CREB3L2: variants seen among roughly 807,000 people sequenced by gnomAD.
CREB3L2 encodes the protein cyclic AMP-responsive element-binding protein 3-like protein 2.
CREB3L2 carries 23 observed loss-of-function variants against 57.2 expected under a neutral mutation model. The ratio of observed to expected loss-of-function variants is 0.40; its 90% CI spans 0.29 to 0.57. The LOEUF is 0.57. CREB3L2 is among the 20% of genes least tolerant of loss of function. CREB3L2 has a pLI of 0.42. For synonymous variants in CREB3L2, 268 were observed against 265.1 expected (o/e 1.01, Z -0.11); for missense variants, 628 against 634.7 (o/e 0.99, Z 0.11).
At chr7:137,986,938 A>G (rs10269424) in intron 1 of CREB3L2, among the ~76,000 whole-genome samples, 10,601 of 152,272 alleles carry the variant, frequency 0.07, 1,220 homozygotes, top group African/African-American at 0.24. Context: ...CTCGAGCCCA[A>G]GGGCGACCCC....
intron 1 of CREB3L2, among the ~76,000 whole-genome samples, chr7:137,946,016 C>T (rs1201452185): frequency 6.6e-6 from 1 of 152,124 alleles, no homozygotes; most frequent in East Asian, 1.9e-4. Context: ...TGCACCCTCC[C>T]CCAAATTATA....
chr7:137,954,748 A>G (rs1395421723), intron 1 of CREB3L2, among the ~76,000 whole-genome samples: 1 of 152,212 alleles, frequency 6.6e-6, no homozygotes, highest in Non-Finnish European at 1.5e-5. Context: ...AGAGGAAGGC[A>G]TGGAGGCTAG....
At position 137,957,906 on chromosome 7, in the gene CREB3L2, A is replaced by T. The variant is rs1164213744; in HGVS notation, c.103-29540T>A. 5.4e-6 allele frequency: 3 copies of T among 551,934 alleles called. No individual in the cohort carries two copies. The African/African-American group carries it at 5.9e-5, about 11-fold the overall frequency. 34.2% of individuals were successfully genotyped at this position (551,934 alleles called of 1,614,324 possible). A position where few individuals can be genotyped will look rare whatever the true frequency, so the allele number is the denominator to read the frequency against. ...CAGGGTGGAAGACTGTTTGGTCCCA[A>T]GGGAATAATGGCTACAATCTAGGAC... is the stretch of plus-strand genomic sequence containing the variant. On this transcript the variant is annotated intron_variant, in intron 1 of 11. Coordinates refer to ENST00000330387, the MANE Select transcript of CREB3L2 (RefSeq NM_194071.4).
chr7:137,958,729 T>C (rs1043981447), intron 1 of CREB3L2, among the ~76,000 whole-genome samples: 11 of 152,286 alleles, frequency 7.2e-5, no homozygotes, highest in African/African-American at 2.6e-4. Flanking sequence ...AGACAACAAA[T>C]AAGCTGCTCT....
intron 1 of CREB3L2, among the ~76,000 whole-genome samples, chr7:137,987,606 G>A (rs1801813684): frequency 6.6e-6 from 1 of 152,216 alleles, no homozygotes; most frequent in African/African-American, 2.4e-5. Context: ...CAGGTTTTGT[G>A]TGTTGGGGAG....
intron 1 of CREB3L2, among the ~76,000 whole-genome samples, chr7:137,995,589 C>A (rs1563277021): frequency 6.6e-6 from 1 of 151,952 alleles, no homozygotes; most frequent in African/African-American, 2.4e-5. Flanking sequence ...TGCCTTGGCC[C>A]CCCAAAGTGC....
chr7:137,896,255 C>A (rs1322496348), intron 8 of CREB3L2, among the ~76,000 whole-genome samples: 1 of 152,228 alleles, frequency 6.6e-6, no homozygotes, highest in Non-Finnish European at 1.5e-5. Flanking sequence ...AGCAGCCCTG[C>A]TTTTATCTAT....
chr7:137,908,390 G>A lies in CREB3L2; in HGVS notation c.630C>T (p.His210=), dbSNP rs529919246. 1.6e-5 allele frequency: 20 copies of A among 1,262,478 alleles called. No homozygotes were observed. The highest frequency in any genetic ancestry group is 9.4e-5 in the East Asian group (3 of 31,814). 78.2% of individuals were successfully genotyped at this position (1,262,478 alleles called of 1,614,324 possible). Residue 210 remains histidine (H), a synonymous_variant, in exon 5 of 12, where the codon CAC becomes CAT. Transcript: ENST00000330387. ...TCAGGCTGCCCTCTGAGTCACTGCCGTGACTGCTCGGAGGGGTGGGCGGCA... is the reference window on the plus strand; with the variant it reads ...TCAGGCTGCCCTCTGAGTCACTGCCATGACTGCTCGGAGGGGTGGGCGGCA... ...LHLPPTPPSS[H]GSDSEGSLSP... is the part of the protein sequence containing the mutation.
At chr7:137,990,867 C>T (rs1801881279) in intron 1 of CREB3L2, among the ~76,000 whole-genome samples, 1 of 152,138 alleles carries the variant, frequency 6.6e-6, no homozygotes, top group Non-Finnish European at 1.5e-5. Flanking sequence ...CAGGATTTTC[C>T]ACTCAGACAA....
chr7:137,965,394 A>G (rs1188985072), intron 1 of CREB3L2, among the ~76,000 whole-genome samples: 1 of 152,226 alleles, frequency 6.6e-6, no homozygotes, highest in Non-Finnish European at 1.5e-5. Context: ...TGCTAGTTTA[A>G]GCATTCCATT....
At chr7:137,993,360 C>A (rs1801933291) in intron 1 of CREB3L2, among the ~76,000 whole-genome samples, 2 of 152,176 alleles carry the variant, frequency 1.3e-5, no homozygotes, top group South Asian at 4.1e-4. Context: ...ACTCCACTCC[C>A]ACTGGAAACA....
intron 1 of CREB3L2, among the ~76,000 whole-genome samples, chr7:137,986,520 T>C (rs1049373157): frequency 6.6e-6 from 1 of 152,198 alleles, no homozygotes; most frequent in Non-Finnish European, 1.5e-5. Context: ...ATGACTGCCA[T>C]GACAGCAGGG....
At chr7:137,928,467 T>A in intron 1 of CREB3L2, 101 bp from the exon 2 acceptor site, 1 of 892,700 alleles carries the variant, frequency 1.1e-6, no homozygotes, top group East Asian at 2.6e-5. Flanking sequence ...CGATATGAAG[T>A]CCCTTCTACA....
intron 1 of CREB3L2, among the ~76,000 whole-genome samples, chr7:137,985,852 G>A (rs776718521): frequency 3.2e-4 from 48 of 152,216 alleles, no homozygotes; most frequent in Non-Finnish European, 5.1e-4. Flanking sequence ...AGAGGATTCA[G>A]GTAAGAACTG....
At chr7:137,887,315 G>A (rs1218480330) in intron 8 of CREB3L2, among the ~76,000 whole-genome samples, 1 of 152,178 alleles carries the variant, frequency 6.6e-6, no homozygotes, top group East Asian at 1.9e-4. Context: ...GGACAGGTTG[G>A]CCACAAGAAT....
chr7:138,000,892 T>C (rs1321182452), intron 1 of CREB3L2, among the ~76,000 whole-genome samples: 6 of 152,172 alleles, frequency 3.9e-5, no homozygotes. Flanking sequence ...GGCATTAGTA[T>C]AAGACTGAAC....
chr7:137,973,213 T>A (rs1801548996), intron 1 of CREB3L2, among the ~76,000 whole-genome samples: 1 of 149,756 alleles, frequency 6.7e-6, no homozygotes. Context: ...CATGAAAAAC[T>A]AAAATGGTTT....
At chr7:137,904,584 A>C (rs1799841427) in intron 6 of CREB3L2, among the ~76,000 whole-genome samples, 1 of 152,222 alleles carries the variant, frequency 6.6e-6, no homozygotes, top group South Asian at 2.1e-4. Context: ...GAATCGCTTG[A>C]GTCCGGGAGG....
intron 3 of CREB3L2, among the ~76,000 whole-genome samples, 173 bp from the exon 4 acceptor site, chr7:137,913,251 T>C (rs979194336): frequency 6.6e-6 from 1 of 152,170 alleles, no homozygotes; most frequent in Non-Finnish European, 1.5e-5. Context: ...TCTTAACCTT[T>C]TTCTCATTGC....
Sources: gnomAD v4.1 joint callset for allele counts (sites outside exome capture counted in the v4.1 genomes callset) on GRCh38, gnomAD v4.1.1 for gene constraint, MANE v1.5 for transcripts, NCBI Gene and HGNC (gene_info 2026-07-23, HGNC 2026-07-21) for gene names.